Variants in DDAH1 observed in about 807,000 individuals in gnomAD.
DDAH1 encodes N(G),N(G)-dimethylarginine dimethylaminohydrolase 1.
A neutral mutation model predicts 28.8 loss-of-function variants in DDAH1; 19 were observed. The ratio of observed to expected loss-of-function variants is 0.66; its 90% CI spans 0.46 to 0.97. DDAH1 has a LOEUF of 0.97. DDAH1 is among the 50% of genes least tolerant of loss of function. The pLI, the probability that DDAH1 is intolerant of heterozygous loss-of-function variation, is 0.00. For synonymous variants in DDAH1, 153 were observed against 154.4 expected (o/e 0.99, Z 0.07); for missense variants, 326 against 375.9 (o/e 0.87, Z 1.10).
intron 1 of DDAH1, among the ~76,000 whole-genome samples, chr1:85,442,449 T>C (rs985170175): frequency 2.0e-5 from 3 of 152,242 alleles, no homozygotes; most frequent in African/African-American, 7.2e-5. Flanking sequence ...CTGGGTTGGT[T>C]CCAAGTTTTT....
chr1:85,371,032 T>C (rs989166411), intron 1 of DDAH1, among the ~76,000 whole-genome samples: 5 of 152,166 alleles, frequency 3.3e-5, no homozygotes, highest in African/African-American at 1.2e-4. Flanking sequence ...GCCTTGTCCA[T>C]TAATATTAAC....
chr1:85,430,934 T>G (rs572071683), intron 1 of DDAH1, among the ~76,000 whole-genome samples: 6 of 152,172 alleles, frequency 3.9e-5, no homozygotes, highest in Non-Finnish European at 8.8e-5. Context: ...CTATGTTGAA[T>G]AGGAGTGGTG....
intron 1 of DDAH1, among the ~76,000 whole-genome samples, chr1:85,431,802 T>C (rs1270771047): frequency 2.6e-5 from 4 of 152,184 alleles, no homozygotes; most frequent in East Asian, 1.9e-4. Flanking sequence ...CTTCATAAAA[T>C]AGACAGAAGG....
At chr1:85,489,500 C>A (rs569115700) in intron 2 of DDAH1, among the ~76,000 whole-genome samples, 53 of 152,172 alleles carry the variant, frequency 3.5e-4, no homozygotes, top group Admixed American at 1.4e-3. Context: ...TATACATTTT[C>A]TTTGGGGGCT....
chr1:85,517,036 T>G (rs1412340319), intron 1 of DDAH1, among the ~76,000 whole-genome samples: 1 of 151,632 alleles, frequency 6.6e-6, no homozygotes, highest in Non-Finnish European at 1.5e-5. Context: ...GTCTAATTTC[T>G]TAAAACTTCA....
chr1:85,326,041 G>C (rs1432052485), intron 4 of DDAH1, among the ~76,000 whole-genome samples: 3 of 152,198 alleles, frequency 2.0e-5, no homozygotes, highest in African/African-American at 7.2e-5. Context: ...TGCCCACTCA[G>C]TCATGGGGGC....
rs546277842 is a variant in DDAH1, at chr1:85,489,213, A to G, written c.-7+6953T>C. 2.6e-5 allele frequency among the ~76,000 whole-genome samples: 4 copies of G among 152,336 alleles called. No individual in the cohort carries two copies. The South Asian group carries it at 8.3e-4, about 32-fold the overall frequency. On this transcript the variant is annotated intron_variant, in intron 2 of 6. Coordinates refer to the DDAH1 transcript ENST00000426972. ...GAACTAAGGAACAAAGAAGGGAAAA[A>G]CAGTATGACCACAAAATACGTTTGG...
chr1:85,370,592 C>T (rs1650328580), intron 1 of DDAH1, among the ~76,000 whole-genome samples: 1 of 97,226 alleles, frequency 1.0e-5, no homozygotes, highest in African/African-American at 3.6e-5. Context: ...AAAGCAACTG[C>T]AGTAGTCCAG....
intron 1 of DDAH1, among the ~76,000 whole-genome samples, chr1:85,560,486 T>C (rs1659106986): frequency 1.3e-5 from 2 of 152,086 alleles, no homozygotes; most frequent in South Asian, 4.1e-4. Flanking sequence ...GTTTGTAACA[T>C]ATATAGAAGT....
At chr1:85,387,742 A>T (rs1651351261) in intron 1 of DDAH1, among the ~76,000 whole-genome samples, 1 of 152,084 alleles carries the variant, frequency 6.6e-6, no homozygotes, top group African/African-American at 2.4e-5. Context: ...TCCACTCCTC[A>T]GTACCAATTT....
intron 1 of DDAH1, among the ~76,000 whole-genome samples, chr1:85,425,275 C>A (rs188493250): frequency 1.3e-5 from 2 of 152,122 alleles, no homozygotes; most frequent in Non-Finnish European, 2.9e-5. Context: ...TAGATTTTCA[C>A]TTGTTCATCT....
intron 1 of DDAH1, among the ~76,000 whole-genome samples, chr1:85,365,317 T>C (rs1650018341): frequency 6.6e-6 from 1 of 152,166 alleles, no homozygotes; most frequent in African/African-American, 2.4e-5. Context: ...GCTACAGTAC[T>C]CTCCAAAACA....
chr1:85,559,089 T>G (rs190215823), intron 1 of DDAH1, among the ~76,000 whole-genome samples: 148 of 152,256 alleles, frequency 9.7e-4, no homozygotes, highest in African/African-American at 3.5e-3. Context: ...CCTGACTCAG[T>G]AATGAAAGGT....
intron 4 of DDAH1, among the ~76,000 whole-genome samples, chr1:85,336,810 T>C (rs1648159016): frequency 6.6e-6 from 1 of 150,722 alleles, no homozygotes; most frequent in Non-Finnish European, 1.5e-5. Flanking sequence ...AGAGAATGGA[T>C]CCAAATAAGA....
intron 1 of DDAH1, among the ~76,000 whole-genome samples, chr1:85,453,146 T>TATC (rs1174150465): frequency 3.9e-5 from 6 of 152,326 alleles, no homozygotes; most frequent in Admixed American, 2.6e-4. Context: ...CAACAAGCTA[T>TATC]ATCTTGTGTG....
chr1:85,499,692 A>C (rs1656726696), intron 1 of DDAH1, among the ~76,000 whole-genome samples: 1 of 152,116 alleles, frequency 6.6e-6, no homozygotes, highest in Non-Finnish European at 1.5e-5. Context: ...AACTTCTTGA[A>C]TTGTTACCAT....
intron 1 of DDAH1, among the ~76,000 whole-genome samples, chr1:85,515,308 G>A (rs1657429535): frequency 7.0e-6 from 1 of 142,030 alleles, no homozygotes; most frequent in South Asian, 2.4e-4. Context: ...AAATGTAAGA[G>A]GCAAGGACAA....
chr1:85,541,252 T>A (rs1658463833), intron 1 of DDAH1, among the ~76,000 whole-genome samples: 1 of 152,206 alleles, frequency 6.6e-6, no homozygotes, highest in African/African-American at 2.4e-5. Flanking sequence ...GAACCAAAAC[T>A]TATTTGAAGG....
chr1:85,490,903 G>A (rs1240633606), intron 2 of DDAH1, among the ~76,000 whole-genome samples: 1 of 152,184 alleles, frequency 6.6e-6, no homozygotes, highest in African/African-American at 2.4e-5. Context: ...CAGACATTCT[G>A]AGATTCTGGC....
Sources: allele counts gnomAD v4.1 joint callset (sites outside exome capture counted in the v4.1 genomes callset), GRCh38; gene constraint gnomAD v4.1.1; transcripts MANE v1.5; gene names NCBI Gene and HGNC (gene_info 2026-07-23, HGNC 2026-07-21).